Variants in VIRMA observed in about 807,000 individuals in gnomAD.
VIRMA encodes the protein protein virilizer homolog.
In VIRMA, 65 loss-of-function variants were observed where a neutral mutation model predicts 182.4. That is an observed-to-expected ratio of 0.36 (90% CI 0.29 to 0.44). The LOEUF (loss-of-function observed/expected upper bound fraction) is 0.44. VIRMA is among the 20% of genes least tolerant of loss of function. The pLI is 1.00. For missense variants in VIRMA, 1,752 were observed against 2,158.1 expected (o/e 0.81, Z 3.73); for synonymous variants, 709 against 743.1 (o/e 0.95, Z 0.75).
chr8:94,544,410 C>A (rs1815686795), intron 1 of VIRMA, among the ~76,000 whole-genome samples: 1 of 152,056 alleles, frequency 6.6e-6, no homozygotes, highest in Non-Finnish European at 1.5e-5. Context: ...CAGTGGCTCA[C>A]ACCTGTAATC....
At position 94,511,481 on chromosome 8, in the gene VIRMA, G is replaced by A. The variant is rs771063404; in HGVS notation, c.3094C>T (p.Arg1032Cys). 5.6e-6 allele frequency: 9 copies of A among 1,614,122 alleles called. No individual in the cohort carries two copies. Among genetic ancestry groups the A allele is most frequent in the South Asian group, 1.1e-5 (1 of 91,078 alleles). The change falls in exon 13 of 24, where the codon CGT becomes TGT. Residue 1032 changes from arginine (R) to cysteine (C), a missense_variant. Around this residue, in one of 11 missense-constraint regions of VIRMA, gnomAD observed 777 missense variants for 920.6 expected, o/e 0.84. Transcript: ENST00000297591. ...AAAGTAACAAGCGCTGAAGGAACACGCATGTCCTTAAACTCAAAGGATCCA... is the reference window on the plus strand; with the variant it reads ...AAAGTAACAAGCGCTGAAGGAACACACATGTCCTTAAACTCAAAGGATCCA... ...RGGSFEFKDM[R>C]VPSALVTLHM...
chr8:94,551,165 A>T (rs1464004313), intron 1 of VIRMA, among the ~76,000 whole-genome samples: 1 of 152,208 alleles, frequency 6.6e-6, no homozygotes, highest in African/African-American at 2.4e-5. Context: ...TCCTAACTAC[A>T]ACTGTGAAAT....
chr8:94,497,636 G>C (rs978883583), intron 17 of VIRMA: 2 of 151,792 alleles, frequency 1.3e-5, no homozygotes, highest in African/African-American at 4.8e-5. Flanking sequence ...TCCTGACCTC[G>C]AGTGATCCAC....
intron 10 of VIRMA, among the ~76,000 whole-genome samples, chr8:94,515,430 A>G (rs904020624): frequency 2.6e-5 from 4 of 152,034 alleles, no homozygotes; most frequent in African/African-American, 7.2e-5. Context: ...GAAGTGCAAC[A>G]GTGTGATCAC....
In VIRMA at chr8:94,538,304, G is replaced by A; in HGVS notation, c.222C>T (p.Asn74=). The part of the protein sequence containing the change: ...PHTFQLDLFF[N]NVSKPSAPVF... ...CAGGGGCACTTGGTTTGCTTACATT[G>A]TTGAAGAATAAGTCTAATTGAAATG... The change falls in exon 3 of 24, where the codon AAC becomes AAT. Residue 74 remains asparagine, a synonymous_variant. Coordinates refer to ENST00000297591, the MANE Select transcript of VIRMA (RefSeq NM_015496.5). 1 of 1,613,276 alleles carries A rather than the reference G, an allele frequency of 6.2e-7. No individual in the cohort carries two copies.
chr8:94,515,098 C>CT (rs796163204), intron 10 of VIRMA, 147 bp from the exon 11 acceptor site: 17,068 of 312,512 alleles, frequency 0.055, 7 homozygotes, highest in Middle Eastern at 0.079. Context: ...GCATCTAATT[C>CT]TTTTTTTTTT....
chr8:94,538,217 C>T (rs757804395), intron 3 of VIRMA, 43 bp downstream of exon 3: 1 of 1,254,300 alleles, frequency 8.0e-7, no homozygotes, highest in Non-Finnish European at 1.2e-6. Context: ...GTGTTGCTTA[C>T]TAACTCATGA....
At chr8:94,494,482 C>T (rs1813702164) in intron 20 of VIRMA, among the ~76,000 whole-genome samples, 1 of 150,594 alleles carries the variant, frequency 6.6e-6, no homozygotes, top group Middle Eastern at 3.4e-3. Context: ...ATCCCAGCTA[C>T]TCAGGAGGCT....
At chr8:94,552,565 TC>T (rs1440808012) in intron 1 of VIRMA, among the ~76,000 whole-genome samples, 1 of 151,910 alleles carries the variant, frequency 6.6e-6, no homozygotes, top group Non-Finnish European at 1.5e-5. Context: ...AATGTGAAGT[TC>T]GTTTTTTTTT....
intron 10 of VIRMA, 138 bp from the exon 11 acceptor site, chr8:94,515,089 C>A: frequency 2.3e-6 from 1 of 430,914 alleles, no homozygotes; most frequent in Non-Finnish European, 4.1e-6. Flanking sequence ...GATGGACATG[C>A]ATCTAATTCT....
At chr8:94,526,194 T>G (rs1814956304) in intron 8 of VIRMA, 29 bp downstream of exon 8, 1 of 1,512,532 alleles carries the variant, frequency 6.6e-7, no homozygotes, top group Non-Finnish European at 8.9e-7. Flanking sequence ...TTTGTGAAAT[T>G]TATTTCCCAA....
Position 94,488,335 on chromosome 8 carries a change from T to C in VIRMA, c.*371A>G, listed in dbSNP as rs143487388. 2.2e-4 allele frequency: 38 copies of C among 169,046 alleles called. No homozygotes were observed. In the East Asian group the frequency reaches 4.0e-3, roughly 18 times the overall value. The allele number at this position is 169,046 out of a possible 1,614,324, so 10.5% of individuals were successfully genotyped here. A position where few individuals can be genotyped will look rare whatever the true frequency, so the allele number is the denominator to read the frequency against. ...CTAACTGCTTAATAAACACAAGTAT[T>C]AGATATTTCTTTTGGACCAGGTATG... On this transcript the variant is annotated 3_prime_UTR_variant, in exon 24 of 24. Transcript: ENST00000297591.
chr8:94,550,134 G>T (rs1255472031), intron 1 of VIRMA, among the ~76,000 whole-genome samples: 3 of 151,388 alleles, frequency 2.0e-5, no homozygotes, highest in African/African-American at 7.3e-5. Context: ...GACCAGAGAT[G>T]ATTTACTTAA....
At chr8:94,502,333 A>C (rs1356022808) in intron 16 of VIRMA, among the ~76,000 whole-genome samples, 5 of 152,092 alleles carry the variant, frequency 3.3e-5, no homozygotes, top group African/African-American at 1.2e-4. Context: ...GTTAGACCCT[A>C]TCTCAAAACA....
intron 10 of VIRMA, among the ~76,000 whole-genome samples, chr8:94,517,052 T>C (rs1814584268): frequency 6.6e-6 from 1 of 152,226 alleles, no homozygotes; most frequent in Non-Finnish European, 1.5e-5. Context: ...TTATATACTT[T>C]AAAAAATAAT....
intron 1 of VIRMA, chr8:94,547,140 A>G (rs1039550766): frequency 5.2e-6 from 2 of 386,940 alleles, no homozygotes; most frequent in Non-Finnish European, 1.0e-5. Context: ...CTCCCATTAG[A>G]CTATGTGTTT....
intron 21 of VIRMA, 78 bp downstream of exon 21, chr8:94,492,574 A>C: frequency 7.5e-7 from 1 of 1,327,184 alleles, no homozygotes; most frequent in Non-Finnish European, 1.1e-6. Context: ...GCTCGGCCGC[A>C]TGTGTCTATC....
intron 1 of VIRMA, among the ~76,000 whole-genome samples, chr8:94,548,563 C>A (rs1586118059): frequency 6.6e-6 from 1 of 151,236 alleles, no homozygotes; most frequent in Admixed American, 6.6e-5. Context: ...TACCAAATAA[C>A]CTTGCTTAAA....
chr8:94,544,091 T>C (rs1815676661), intron 1 of VIRMA, 149 bp from the exon 2 acceptor site: 1 of 535,092 alleles, frequency 1.9e-6, no homozygotes, highest in Non-Finnish European at 3.3e-6. Context: ...TACAGTGTTG[T>C]ATAAATAGCT....
Sources: gnomAD v4.1 joint callset for allele counts (sites outside exome capture counted in the v4.1 genomes callset) on GRCh38, gnomAD v4.1.1 for gene constraint, gnomAD v4.1.1 regional missense constraint, MANE v1.5 for transcripts, NCBI Gene and HGNC (gene_info 2026-07-23, HGNC 2026-07-21) for gene names.